IGF2R: variants seen among roughly 807,000 people sequenced by gnomAD.
The protein encoded by IGF2R is insulin like growth factor 2 receptor, also known as cation-independent mannose-6-phosphate receptor.
IGF2R carries 91 observed loss-of-function variants against 270.6 expected under a neutral mutation model. That is an observed-to-expected ratio of 0.34 (90% CI 0.28 to 0.40). The LOEUF (loss-of-function observed/expected upper bound fraction) is 0.40. IGF2R is among the 10% of genes least tolerant of loss of function. The pLI is 1.00. For missense variants in IGF2R, 2,805 were observed against 3,188.3 expected, an observed-to-expected ratio of 0.88 and a Z score of 2.90; for synonymous variants, 1,316 against 1,258.9, an observed-to-expected ratio of 1.05 and a Z score of -0.96.
At chr6:160,014,503 A>G (rs1036937893) in intron 4 of IGF2R, among the ~76,000 whole-genome samples, 1 of 152,088 alleles carries the variant, frequency 6.6e-6, no homozygotes, top group East Asian at 1.9e-4. Context: ...AGTAGTTGCT[A>G]CCTGCCCCGA....
At chr6:160,013,986 T>G (rs957235489) in intron 4 of IGF2R, among the ~76,000 whole-genome samples, 10 of 152,230 alleles carry the variant, frequency 6.6e-5, no homozygotes, top group African/African-American at 2.2e-4. Flanking sequence ...GTCATTGTAG[T>G]CTTGCTTTCT....
chr6:160,062,768 G>A, intron 26 of IGF2R, 149 bp downstream of exon 26: 2 of 555,102 alleles, frequency 3.6e-6, no homozygotes, highest in Non-Finnish European at 6.3e-6. Flanking sequence ...TTTTCCTTGA[G>A]CTTTTTTTTT....
At chr6:159,995,952 C>T (rs1784047275) in intron 2 of IGF2R, among the ~76,000 whole-genome samples, 1 of 124,154 alleles carries the variant, frequency 8.1e-6, no homozygotes. Flanking sequence ...TCATTCTCAT[C>T]TGGATAAACT....
intron 4 of IGF2R, among the ~76,000 whole-genome samples, chr6:160,024,216 A>G (rs1323878834): frequency 1.3e-5 from 2 of 151,858 alleles, no homozygotes; most frequent in African/African-American, 4.8e-5. Context: ...TTTTGCTCTA[A>G]GTTGCAGAGA....
chr6:160,084,576 T>G lies in IGF2R; in HGVS notation c.6068+392T>G, dbSNP rs1779057254. 1.3e-5 allele frequency among the ~76,000 whole-genome samples: 2 copies of G among 152,216 alleles called. No individual in the cohort carries two copies. The highest frequency in any genetic ancestry group is 2.1e-4 in the South Asian group (1 of 4,834). ...GGTCAGCCCATGGTCCTGACCACTC[T>G]GCGTGGGGAGCGCCCGCTTGGCCAG... On this transcript the variant is annotated intron_variant, in intron 40 of 47. Transcript: ENST00000356956. This position sits in a 1 kb window ranked among gnomAD's most constrained non-coding sequence, Gnocchi z 4.6.
At chr6:159,976,722 G>A (rs545770104) in intron 1 of IGF2R, among the ~76,000 whole-genome samples, 1 of 151,650 alleles carries the variant, frequency 6.6e-6, no homozygotes, top group Non-Finnish European at 1.5e-5. Context: ...CAACTTCCTG[G>A]ACCCACTAAA....
At chr6:160,028,160 G>T (rs939541534) in intron 6 of IGF2R, among the ~76,000 whole-genome samples, 1 of 152,234 alleles carries the variant, frequency 6.6e-6, no homozygotes, top group Non-Finnish European at 1.5e-5. Flanking sequence ...CATGTCTGAA[G>T]AAGGCGTCAC....
intron 4 of IGF2R, among the ~76,000 whole-genome samples, chr6:160,014,012 C>T (rs1449049679): frequency 6.6e-6 from 1 of 152,146 alleles, no homozygotes; most frequent in Non-Finnish European, 1.5e-5. Context: ...TTACTAATGT[C>T]TCATTTATTT....
At chr6:160,096,662 C>CA (rs765300745) in intron 45 of IGF2R, 37 bp downstream of exon 45, 22 of 1,502,048 alleles carry the variant, frequency 1.5e-5, no homozygotes, top group Non-Finnish European at 2.0e-5. Flanking sequence ...ACTTGTACCC[C>CA]ACATCTTCCC....
chr6:160,070,008 A>G lies in IGF2R; in HGVS notation c.4393A>G (p.Ile1465Val). Residue 1465 changes from isoleucine to valine, a missense_variant, in exon 31 of 48, where the codon ATT becomes GTT. Physicochemically the swap from Ile to Val is conservative, Grantham distance 29. Coordinates refer to ENST00000356956, the MANE Select transcript of IGF2R (RefSeq NM_000876.4). ...YVDGDLCPDG[I>V]RKKSTTIRFT... ...TGATGGCGACTTATGTCCAGATGGG[A>G]TTCGGAAAAAGTCAACCACCATCCG... is the stretch of plus-strand genomic sequence containing the variant. 1 of 1,614,216 alleles carries G rather than the reference A, an allele frequency of 6.2e-7. No individual in the cohort carries two copies.
At chr6:160,012,358 C>T (rs148971219) in intron 4 of IGF2R, among the ~76,000 whole-genome samples, 5 of 152,126 alleles carry the variant, frequency 3.3e-5, no homozygotes, top group African/African-American at 4.8e-5. Flanking sequence ...ACACCTGAGA[C>T]TGGGTAATTT....
intron 1 of IGF2R, among the ~76,000 whole-genome samples, chr6:159,978,375 C>A (rs910175): frequency 1.3e-5 from 2 of 151,824 alleles, no homozygotes; most frequent in South Asian, 2.1e-4. Context: ...GGGGGTCACC[C>A]TCCTGCATGT....
rs1203611340 is a variant in IGF2R, at chr6:160,108,120, ACT to A, written c.*3039_*3040del. The A allele has an allele frequency of 1.7e-4, 26 of 152,098 alleles. No homozygotes were observed. The highest frequency in any genetic ancestry group is 6.0e-4 in the African/African-American group (25 of 41,468). 9.4% of individuals were successfully genotyped at this position (152,098 alleles called of 1,614,324 possible). ...GGATTTCTGGAAATATCCTTTACTG[ACT>A]CTGAAGAATCCCATGGCTCAGGGAG... On this transcript the variant is annotated 3_prime_UTR_variant, in exon 48 of 48. Coordinates refer to ENST00000356956, the MANE Select transcript of IGF2R (RefSeq NM_000876.4).
chr6:160,034,230 G>A (rs919866191), intron 9 of IGF2R, among the ~76,000 whole-genome samples, 189 bp from the exon 10 acceptor site: 1 of 152,242 alleles, frequency 6.6e-6, no homozygotes, highest in African/African-American at 2.4e-5. Flanking sequence ...GCGAGAGGAT[G>A]TCAAGTCCAT....
chr6:159,980,587 C>G (rs1162836433), intron 1 of IGF2R, among the ~76,000 whole-genome samples: 2 of 152,236 alleles, frequency 1.3e-5, no homozygotes, highest in African/African-American at 2.4e-5. Context: ...GGCTTTTCTC[C>G]TCTGTCCACC....
rs763098148 is a variant in IGF2R, at chr6:160,043,229, G to A, written c.1562G>A (p.Arg521Lys). The A allele has an allele frequency of 3.7e-6, 6 of 1,614,098 alleles. No homozygotes were observed. The African/African-American group carries it at 8.0e-5, about 22-fold the overall frequency. Residue 521 changes from arginine to lysine, a missense_variant, in exon 12 of 48, where the codon AGA becomes AAA. Physicochemically the swap from Arg to Lys is conservative, Grantham distance 26. Transcript: ENST00000356956. The stretch of plus-strand genomic sequence containing the variant: ...CATTTTTTCATTAATATTTGTCACA[G>A]AGTGCTGCAGGAAGGCAAGGCACGA... ...KKHFFINICHRVLQEGKARGC... is the reference protein window; with the variant it reads ...KKHFFINICHKVLQEGKARGC...
intron 3 of IGF2R, among the ~76,000 whole-genome samples, chr6:160,009,624 A>C (rs1003737): frequency 0.49 from 74,489 of 152,008 alleles, 18,591 homozygotes; most frequent in East Asian, 0.71. Flanking sequence ...AAGGGGACAT[A>C]ATTGTGTAAA....
intron 25 of IGF2R, among the ~76,000 whole-genome samples, 184 bp downstream of exon 25, chr6:160,062,112 G>A (rs8191847): frequency 0.058 from 8,716 of 151,438 alleles, 604 homozygotes; most frequent in East Asian, 0.32. Flanking sequence ...TAAATGTTAC[G>A]TAGTTTGCAC....
At chr6:160,018,569 A>ATAAT (rs1478518201) in intron 4 of IGF2R, among the ~76,000 whole-genome samples, 2 of 152,182 alleles carry the variant, frequency 1.3e-5, no homozygotes, top group Non-Finnish European at 2.9e-5. Flanking sequence ...TATATGTCAT[A>ATAAT]CCAAAAAACA....
Sources: gnomAD v4.1 joint callset for allele counts (sites outside exome capture counted in the v4.1 genomes callset) on GRCh38, gnomAD v4.1.1 for gene constraint, Gnocchi (gnomAD v3.1) non-coding constraint, MANE v1.5 for transcripts, NCBI Gene and HGNC (gene_info 2026-07-23, HGNC 2026-07-21) for gene names.